The following CASQ2 variants were observed in gnomAD, a reference collection of about 807,000 sequenced individuals.
CASQ2 encodes calsequestrin-2.
In CASQ2, 49 loss-of-function variants were observed where a neutral mutation model predicts 46.5. The observed-to-expected ratio is 1.05, with a 90% CI of 0.84 to 1.34. The LOEUF is 1.34. CASQ2 is among the 40% of genes most tolerant of loss of function. The pLI is 0.00. For synonymous variants in CASQ2, 174 were observed against 168.5 expected, an observed-to-expected ratio of 1.03 and a Z score of -0.25; for missense variants, 486 against 481.3, an observed-to-expected ratio of 1.01 and a Z score of -0.09.
chr1:115,736,822 C>T (rs1016397163), intron 4 of CASQ2, among the ~76,000 whole-genome samples: 3 of 152,022 alleles, frequency 2.0e-5, no homozygotes, highest in African/African-American at 4.8e-5. Flanking sequence ...CATTAACATG[C>T]AGGTAATAAT....
rs193165220 is a variant in CASQ2 at position 115,715,935 on chromosome 1, C to T, written c.838+1905G>A. On this transcript the variant is annotated intron_variant, in intron 8 of 10. Coordinates refer to ENST00000261448, the MANE Select transcript of CASQ2 (RefSeq NM_001232.4). ...ATCAGCTATATATTGATGAAAAAGG[C>T]GATCTGTTCACCCTTCATGATCTGC... 2.3e-4 allele frequency among the ~76,000 whole-genome samples: 35 copies of T among 152,262 alleles called. No individual in the cohort carries two copies. The South Asian group carries it at 6.2e-3, about 27-fold the overall frequency.
chr1:115,759,034 G>A (rs1243948753), intron 1 of CASQ2, among the ~76,000 whole-genome samples: 1 of 152,222 alleles, frequency 6.6e-6, no homozygotes, highest in Non-Finnish European at 1.5e-5. Flanking sequence ...CATGGAAAGT[G>A]TGATTTACAT....
intron 1 of CASQ2, among the ~76,000 whole-genome samples, chr1:115,761,124 T>A (rs981647819): frequency 1.4e-4 from 21 of 151,684 alleles, no homozygotes; most frequent in Non-Finnish European, 3.1e-4. Context: ...AGAAGAGAAG[T>A]TCAGGTGCTC....
At chr1:115,728,207 A>G (rs1647660322) in intron 5 of CASQ2, among the ~76,000 whole-genome samples, 1 of 152,192 alleles carries the variant, frequency 6.6e-6, no homozygotes, top group Non-Finnish European at 1.5e-5. Context: ...ATAAGCTCTT[A>G]CACAAGGAGA....
intron 1 of CASQ2, among the ~76,000 whole-genome samples, chr1:115,767,122 A>G (rs1160391230): frequency 6.6e-6 from 1 of 152,074 alleles, no homozygotes; most frequent in East Asian, 1.9e-4. Context: ...TTTGAGATGG[A>G]GATATAATGT....
intron 8 of CASQ2, among the ~76,000 whole-genome samples, chr1:115,713,176 C>T (rs1413895632): frequency 1.3e-5 from 2 of 152,126 alleles, no homozygotes; most frequent in Non-Finnish European, 2.9e-5. Context: ...CTTTGCAAAC[C>T]TTTCATCACA....
chr1:115,706,115 C>A (rs1034689982), intron 8 of CASQ2, among the ~76,000 whole-genome samples: 3 of 151,992 alleles, frequency 2.0e-5, no homozygotes, highest in Non-Finnish European at 4.4e-5. Flanking sequence ...CTGGAAGGTC[C>A]CTGAGAATAA....
intron 3 of CASQ2, among the ~76,000 whole-genome samples, chr1:115,739,957 C>A (rs1291202512): frequency 1.3e-5 from 2 of 152,148 alleles, no homozygotes. Context: ...AATGAGATGG[C>A]CAAGCACAGT....
At chr1:115,749,364 AAGATTTATG>A (rs1415675964) in intron 1 of CASQ2, among the ~76,000 whole-genome samples, 1 of 152,138 alleles carries the variant, frequency 6.6e-6, no homozygotes, top group African/African-American at 2.4e-5. Flanking sequence ...GTGATTTTTG[AAGATTTATG>A]AGTGGGAGGT....
chr1:115,726,113 C>A (rs1647578938), intron 6 of CASQ2, among the ~76,000 whole-genome samples: 1 of 152,222 alleles, frequency 6.6e-6, no homozygotes, highest in Non-Finnish European at 1.5e-5. Context: ...CCTCCAAGTA[C>A]TGCCTTCCTG....
intron 4 of CASQ2, among the ~76,000 whole-genome samples, chr1:115,734,363 C>G (rs1052430522): frequency 1.3e-5 from 2 of 152,208 alleles, no homozygotes; most frequent in Non-Finnish European, 2.9e-5. Context: ...CTCTTCCCCT[C>G]CATGAACTCC....
intron 1 of CASQ2, among the ~76,000 whole-genome samples, chr1:115,767,925 G>A (rs1463274323): frequency 6.6e-6 from 1 of 152,148 alleles, no homozygotes. Flanking sequence ...AGGGAGCAAA[G>A]TGGGCACACT....
At chr1:115,702,018 G>A (rs1654220863) in intron 10 of CASQ2, among the ~76,000 whole-genome samples, 1 of 152,020 alleles carries the variant, frequency 6.6e-6, no homozygotes, top group South Asian at 2.1e-4. Flanking sequence ...CGCCTCCTGG[G>A]TTCAAGCGAT....
rs114670526 is a variant in CASQ2 at position 115,729,354 on chromosome 1, C to T, written c.607-2232G>A. ...AGGCGTGAGCCACTGCGCCCGACCC[C>T]CTCTTTCATTCTTATTATTCCTATC... On this transcript the variant is annotated intron_variant, in intron 5 of 10. Coordinates refer to ENST00000261448, the MANE Select transcript of CASQ2 (RefSeq NM_001232.4). Among the ~76,000 whole-genome samples, 703 of 152,068 alleles carry T rather than the reference C, an allele frequency of 4.6e-3. 8 individuals are homozygous for T. Among genetic ancestry groups the T allele is most frequent in the African/African-American group, 0.016 (665 of 41,500 alleles).
At chr1:115,703,087 C>T in intron 9 of CASQ2, 92 bp from the exon 10 acceptor site, 1 of 989,470 alleles carries the variant, frequency 1.0e-6, no homozygotes, top group Non-Finnish European at 1.6e-6. Flanking sequence ...ACTAGGTCAC[C>T]ATTGGTTAAA....
chr1:115,700,555 A>G lies in CASQ2; in HGVS notation c.*686T>C, dbSNP rs1361966011. 4.5e-5 allele frequency: 7 copies of G among 154,864 alleles called. No homozygotes were observed. Among genetic ancestry groups the G allele is most frequent in the African/African-American group, 1.7e-4 (7 of 41,520 alleles). 9.6% of individuals were successfully genotyped at this position (154,864 alleles called of 1,614,324 possible). On this transcript the variant is annotated 3_prime_UTR_variant, in exon 11 of 11. Transcript: ENST00000261448. ...AGTTTAGAGAGCAAATCAACCTCCC[A>G]TCCCAGTTTCCTAATATACTAGAAA...
rs540927260 is a variant in CASQ2, at chr1:115,753,000, G to T, written c.235-8088C>A. Among the ~76,000 whole-genome samples, 3 of 152,220 alleles carry T rather than the reference G, an allele frequency of 2.0e-5. No individual in the cohort carries two copies. In the East Asian group the frequency reaches 5.8e-4, roughly 29 times the overall value. ...TGGTTTTGGAGAGAAAAGGGAGAGA[G>T]ATCAAAGAAGAGGGAGGAGGCAAAA... is the stretch of plus-strand genomic sequence containing the variant. On this transcript the variant is annotated intron_variant, in intron 1 of 10. Transcript: ENST00000261448.
chr1:115,754,228 C>A (rs17034481), intron 1 of CASQ2, among the ~76,000 whole-genome samples: 10,721 of 152,098 alleles, frequency 0.07, 1,272 homozygotes, highest in African/African-American at 0.24. Flanking sequence ...AATGAAGGGA[C>A]GGCTATTTTA....
intron 1 of CASQ2, among the ~76,000 whole-genome samples, chr1:115,745,999 AC>A (rs1295943640): frequency 6.6e-6 from 1 of 151,994 alleles, no homozygotes; most frequent in Non-Finnish European, 1.5e-5. Flanking sequence ...CCCCTCTTTT[AC>A]CCTGGGCAAC....
Sources: gnomAD v4.1 joint callset for allele counts (sites outside exome capture counted in the v4.1 genomes callset) on GRCh38, gnomAD v4.1.1 for gene constraint, MANE v1.5 for transcripts, NCBI Gene and HGNC (gene_info 2026-07-23, HGNC 2026-07-21) for gene names.